VPS53: variants seen among roughly 807,000 people sequenced by gnomAD.
VPS53 encodes the protein VPS53 subunit of GARP complex.
A neutral mutation model predicts 107.0 loss-of-function variants in VPS53; 70 were observed. The observed-to-expected ratio is 0.65, with a 90% CI of 0.54 to 0.80. The LOEUF is 0.80. Ranked by LOEUF, VPS53 falls within the 30% of genes least tolerant of loss-of-function variation. The pLI is 0.00. For synonymous variants in VPS53, 409 were observed against 393.3 expected (o/e 1.04, Z -0.47); for missense variants, 917 against 1,049.4 (o/e 0.87, Z 1.74).
At chr17:706,718 A>C (rs1285386262) in intron 2 of VPS53, among the ~76,000 whole-genome samples, 1 of 152,150 alleles carries the variant, frequency 6.6e-6, no homozygotes. Flanking sequence ...TGTTTTTTTA[A>C]CTGAATAAAC....
chr17:533,437 C>A (rs1228879518), intron 18 of VPS53, among the ~76,000 whole-genome samples: 1 of 152,150 alleles, frequency 6.6e-6, no homozygotes, highest in Non-Finnish European at 1.5e-5. Context: ...CTGTCTCCAG[C>A]CTCATCCTGC....
chr17:562,645 C>T lies in VPS53; in HGVS notation c.1414G>A (p.Ala472Thr), dbSNP rs766977825. The T allele has an allele frequency of 5.6e-6, 9 of 1,613,638 alleles. No individual in the cohort carries two copies. Among genetic ancestry groups the T allele is most frequent in the African/African-American group, 4.0e-5 (3 of 74,770 alleles). Residue 472 changes from alanine to threonine, a missense_variant, in exon 14 of 22, where the codon GCC becomes ACC. By Grantham distance (58) the Ala-to-Thr change is moderately conservative. Transcript: ENST00000437048. Reference protein sequence around the residue: ...DEGGAVLPSCADLFVYYKKCM... With the variant: ...DEGGAVLPSCTDLFVYYKKCM... ...TTCTTGTAGTAGACAAAGAGGTCGG[C>T]GCAGCTGGGGAGCACGGCACCCCCT...
chr17:587,030 C>T (rs1275702148), intron 12 of VPS53, among the ~76,000 whole-genome samples: 1 of 151,996 alleles, frequency 6.6e-6, no homozygotes, highest in Admixed American at 6.6e-5. Flanking sequence ...TCTATTCTTA[C>T]CACGAGTTCC....
At chr17:713,450 C>T (rs549850731) in intron 1 of VPS53, among the ~76,000 whole-genome samples, 1 of 151,392 alleles carries the variant, frequency 6.6e-6, no homozygotes, top group Admixed American at 6.6e-5. Context: ...GTCAGGAGTT[C>T]AAGACCAGCC....
chr17:591,311 G>C (rs1001083032), intron 12 of VPS53, among the ~76,000 whole-genome samples: 1 of 151,978 alleles, frequency 6.6e-6, no homozygotes, highest in Middle Eastern at 3.4e-3. Flanking sequence ...CAATTTTGTT[G>C]ATCCTTTCAA....
chr17:640,177 G>A (rs190756571), intron 7 of VPS53, among the ~76,000 whole-genome samples: 5 of 152,312 alleles, frequency 3.3e-5, no homozygotes, highest in East Asian at 1.9e-4. Context: ...GCGAGTCTCC[G>A]TGGGTGTGGG....
At chr17:647,425 T>C (rs993884661) in intron 7 of VPS53, among the ~76,000 whole-genome samples, 2 of 152,178 alleles carry the variant, frequency 1.3e-5, no homozygotes, top group Non-Finnish European at 2.9e-5. Context: ...ATGTAGAAAA[T>C]GCAGAGTAAA....
At chr17:635,394 A>G (rs968121764) in intron 7 of VPS53, among the ~76,000 whole-genome samples, 1 of 152,090 alleles carries the variant, frequency 6.6e-6, no homozygotes, top group Non-Finnish European at 1.5e-5. Flanking sequence ...GAAGCTCTTT[A>G]GTTTAATTAG....
At chr17:604,413 C>T (rs111765393) in intron 11 of VPS53, among the ~76,000 whole-genome samples, 3 of 151,974 alleles carry the variant, frequency 2.0e-5, no homozygotes, top group South Asian at 2.1e-4. Context: ...CTACTCTCGC[C>T]GGTGTAAAGC....
chr17:652,720 A>G (rs1971004052), intron 7 of VPS53, among the ~76,000 whole-genome samples: 1 of 152,232 alleles, frequency 6.6e-6, no homozygotes, highest in East Asian at 1.9e-4. Context: ...TATACGTGCA[A>G]AACAATTATT....
At chr17:646,391 G>C (rs1970710651) in intron 7 of VPS53, among the ~76,000 whole-genome samples, 2 of 129,674 alleles carry the variant, frequency 1.5e-5, no homozygotes, top group African/African-American at 5.4e-5. Context: ...TGACCGTGTG[G>C]CCACTGCCTC....
intron 4 of VPS53, among the ~76,000 whole-genome samples, chr17:662,102 G>C (rs1971459885): frequency 6.6e-6 from 1 of 152,144 alleles, no homozygotes; most frequent in African/African-American, 2.4e-5. Context: ...TCTTACCAAT[G>C]TTCCTCACAA....
intron 11 of VPS53, among the ~76,000 whole-genome samples, chr17:602,259 A>G (rs1295789692): frequency 6.6e-6 from 1 of 152,196 alleles, no homozygotes; most frequent in African/African-American, 2.4e-5. Context: ...ATTTATTAAA[A>G]TATAGCAATT....
At chr17:534,444 C>T (rs1442372243) in intron 18 of VPS53, among the ~76,000 whole-genome samples, 1 of 152,126 alleles carries the variant, frequency 6.6e-6, no homozygotes, top group Non-Finnish European at 1.5e-5. Context: ...GGAGAGGAAA[C>T]TGGAGTCCGG....
At chr17:710,427 C>T (rs1973593938) in intron 2 of VPS53, 106 bp downstream of exon 2, 2 of 825,170 alleles carry the variant, frequency 2.4e-6, no homozygotes, top group Admixed American at 2.1e-5. Context: ...TTTAACTCTC[C>T]CTTGTGTATC....
intron 17 of VPS53, among the ~76,000 whole-genome samples, chr17:551,384 T>G (rs961778244): frequency 1.3e-5 from 2 of 151,936 alleles, no homozygotes; most frequent in Non-Finnish European, 2.9e-5. Flanking sequence ...CTGGGCAACA[T>G]AGCAAGACTC....
At chr17:545,163 G>A (rs1474519779) in intron 17 of VPS53, among the ~76,000 whole-genome samples, 1 of 152,156 alleles carries the variant, frequency 6.6e-6, no homozygotes, top group South Asian at 2.1e-4. Flanking sequence ...AACACTACTG[G>A]AATCTCAAAG....
chr17:614,734 C>G (rs1203012102), intron 11 of VPS53, among the ~76,000 whole-genome samples: 2 of 152,108 alleles, frequency 1.3e-5, no homozygotes, highest in Non-Finnish European at 2.9e-5. Flanking sequence ...AGTCGTGAGC[C>G]TTTTGCAAAC....
intron 12 of VPS53, among the ~76,000 whole-genome samples, chr17:589,660 A>AC (rs1173077768): frequency 6.6e-6 from 1 of 152,194 alleles, no homozygotes; most frequent in Non-Finnish European, 1.5e-5. Context: ...GAAAATGGGT[A>AC]CAGTGGCCTG....
Sources: gnomAD v4.1 joint callset for allele counts (sites outside exome capture counted in the v4.1 genomes callset) on GRCh38, gnomAD v4.1.1 for gene constraint, MANE v1.5 for transcripts, NCBI Gene and HGNC (gene_info 2026-07-23, HGNC 2026-07-21) for gene names.